JHY: variants seen among roughly 807,000 people sequenced by gnomAD.
JHY encodes the protein jhy protein homolog.
In JHY, 69 loss-of-function variants were observed where a neutral mutation model predicts 78.0. The ratio of observed to expected loss-of-function variants is 0.88; its 90% CI spans 0.73 to 1.08. The LOEUF is 1.08. Among genes scored for constraint, JHY ranks in the 50% least tolerant of loss-of-function variants. The pLI is 0.00. For synonymous variants in JHY, 368 were observed against 342.6 expected, an observed-to-expected ratio of 1.07 and a Z score of -0.82; for missense variants, 944 against 927.8, an observed-to-expected ratio of 1.02 and a Z score of -0.23.
At position 122,961,152 on chromosome 11, in the gene JHY, T is replaced by C. The variant is rs1179598587; in HGVS notation, c.*1707T>C. Reference sequence around the variant, plus strand: ...CTGACTAAATGGAAACTAGGCTATGTGGCAAAATCTTTCTGTATTGCCCTC... The same window carrying C: ...CTGACTAAATGGAAACTAGGCTATGCGGCAAAATCTTTCTGTATTGCCCTC... On this transcript the variant is annotated 3_prime_UTR_variant, in exon 9 of 9. Coordinates refer to ENST00000227349, the MANE Select transcript of JHY (RefSeq NM_024806.4). The C allele has an allele frequency of 1.6e-6, 1 of 639,228 alleles. No homozygotes were observed. The highest frequency in any genetic ancestry group is 1.8e-5 in the African/African-American group (1 of 54,200). The allele number at this position is 639,228 out of a possible 1,614,324, so 39.6% of individuals were successfully genotyped here.
Position 122,934,712 on chromosome 11 carries a change from T to C in JHY, c.1271T>C (p.Val424Ala). 4 of 1,614,168 alleles carry C rather than the reference T, an allele frequency of 2.5e-6. No individual in the cohort carries two copies. Among genetic ancestry groups the C allele is most frequent in the Non-Finnish European group, 3.4e-6 (4 of 1,180,028 alleles). ...IVIMHASNNDVQASRALRSHN... is the reference protein window; with the variant it reads ...IVIMHASNNDAQASRALRSHN... ...ATTATGCATGCCTCTAACAATGATG[T>C]ACAAGCCTCAAGGGCACTTAGAAGC... Residue 424 changes from valine (V) to alanine (A), a missense_variant, in exon 5 of 9, where the codon GTA (valine) becomes GCA (alanine). Physicochemically the swap from Val to Ala is moderately conservative, Grantham distance 64 (BLOSUM62 0). Coordinates refer to ENST00000227349, the MANE Select transcript of JHY (RefSeq NM_024806.4).
chr11:122,931,021 G>T (rs935620200), intron 4 of JHY, among the ~76,000 whole-genome samples: 17 of 152,090 alleles, frequency 1.1e-4, no homozygotes, highest in Admixed American at 8.5e-4. Context: ...CACAATGGAG[G>T]GGGGGAATGA....
chr11:122,904,138 T>C lies in JHY; in HGVS notation c.558T>C (p.Ser186=). 2 of 1,613,968 alleles carry C rather than the reference T, an allele frequency of 1.2e-6. No homozygotes were observed. The highest frequency in any genetic ancestry group is 4.5e-5 in the East Asian group (2 of 44,872). The part of the protein sequence containing the change: ...GKGEQKESPQ[S]AASLLGSEFL... ...GCGAGCAGAAAGAGAGTCCACAGAG[T>C]GCAGCTTCTTTACTTGGTAGTGAAT... is the stretch of plus-strand genomic sequence containing the variant. The change falls in exon 3 of 9, where the codon AGT becomes AGC. Residue 186 remains serine, a synonymous_variant. Coordinates refer to ENST00000227349, the MANE Select transcript of JHY (RefSeq NM_024806.4).
rs1565336607 is a variant in JHY, at chr11:122,948,468, A to ATAATC, written c.1929+1676_1929+1677insTAATC. Among the ~76,000 whole-genome samples, 1,090 of 148,362 alleles carry ATAATC rather than the reference A, an allele frequency of 7.3e-3. 12 individuals are homozygous for ATAATC. The highest frequency in any genetic ancestry group is 0.025 in the African/African-American group (1,006 of 39,996). ...TAATAATAATAATAATAATAATAAT[A>ATAATC]ATAATAATAATGATTTCTACTAGGA... On this transcript the variant is annotated intron_variant, in intron 6 of 8. Transcript: ENST00000227349.
At chr11:122,912,314 G>T (rs1591378398) in intron 3 of JHY, among the ~76,000 whole-genome samples, 1 of 151,698 alleles carries the variant, frequency 6.6e-6, no homozygotes, top group East Asian at 1.9e-4. Flanking sequence ...GGTTAAACTG[G>T]GATGTCTAGC....
At chr11:122,905,117 A>G in intron 3 of JHY, 1 of 1,237,098 alleles carries the variant, frequency 8.1e-7, no homozygotes, top group East Asian at 2.3e-5. Context: ...ATTAAACATT[A>G]GTCTCTTTAT....
At chr11:122,948,513 G>A (rs993248608) in intron 6 of JHY, among the ~76,000 whole-genome samples, 3 of 151,184 alleles carry the variant, frequency 2.0e-5, no homozygotes, top group Non-Finnish European at 2.9e-5. Flanking sequence ...ATGCTGGGAT[G>A]TAAAGATGAG....
rs533216212 is a variant in JHY, at chr11:122,924,918, A to G, written c.886A>G (p.Thr296Ala). Residue 296 changes from threonine (T) to alanine (A), a missense_variant, in exon 4 of 9, where the codon ACA (threonine) becomes GCA (alanine). By Grantham distance (58) the Thr-to-Ala change is moderately conservative. Transcript: ENST00000227349. ...CTAGATCTCCTACCCCGTCAGAGTA[A>G]CAGACAAGACGTCTATTCAGAATGC... ...PEQISYPVRV[T>A]DKTSIQNAKE... 1.9e-6 allele frequency: 3 copies of G among 1,613,942 alleles called. No homozygotes were observed. The highest frequency in any genetic ancestry group is 2.2e-5 in the South Asian group (2 of 91,060).
chr11:122,900,656 C>A (rs971705685), intron 2 of JHY, among the ~76,000 whole-genome samples: 1 of 151,520 alleles, frequency 6.6e-6, no homozygotes, highest in South Asian at 2.1e-4. Flanking sequence ...GTATGCTTAA[C>A]CTTTTATTCA....
chr11:122,918,341 A>G (rs1863277801), intron 3 of JHY, among the ~76,000 whole-genome samples: 1 of 149,994 alleles, frequency 6.7e-6, no homozygotes, highest in Non-Finnish European at 1.5e-5. Flanking sequence ...AAATTAGTGC[A>G]TTGGTGCATG....
At chr11:122,890,732 T>G (rs1271505210) in intron 2 of JHY, among the ~76,000 whole-genome samples, 3 of 152,186 alleles carry the variant, frequency 2.0e-5, no homozygotes, top group Admixed American at 6.6e-5. Context: ...TATGGTTAGA[T>G]CCTTGGTTTT....
At position 122,935,542 on chromosome 11, in the gene JHY, T is replaced by C. The variant is rs777639680; in HGVS notation, c.1634+467T>C. 2.6e-5 allele frequency among the ~76,000 whole-genome samples: 4 copies of C among 152,162 alleles called. No homozygotes were observed. The highest frequency in any genetic ancestry group is 5.9e-5 in the Non-Finnish European group (4 of 68,030). ...GAGCCACCGCACCCGGCCAAGAGTC[T>C]ACTTTTGATGGATTTCTTTTCCTCT... On this transcript the variant is annotated intron_variant, in intron 5 of 8. Coordinates refer to ENST00000227349, the MANE Select transcript of JHY (RefSeq NM_024806.4). This position sits in a 1 kb window ranked among gnomAD's most constrained non-coding sequence, Gnocchi z 4.5.
intron 2 of JHY, among the ~76,000 whole-genome samples, chr11:122,890,002 C>T (rs770745272): frequency 5.9e-5 from 9 of 151,942 alleles, no homozygotes; most frequent in Non-Finnish European, 1.0e-4. Context: ...GTACCTCGGC[C>T]TCCCAAAGTG....
chr11:122,952,657 T>C (rs541391309), intron 6 of JHY, among the ~76,000 whole-genome samples: 3 of 152,268 alleles, frequency 2.0e-5, no homozygotes, highest in Admixed American at 1.3e-4. Context: ...GGCTGGAGAG[T>C]ACTGGGCAAT....
chr11:122,942,446 CAG>C (rs1432681327), intron 5 of JHY, among the ~76,000 whole-genome samples: 1 of 152,078 alleles, frequency 6.6e-6, no homozygotes, highest in Non-Finnish European at 1.5e-5. Context: ...TTTATTGAGA[CAG>C]AGTCTCACTC....
At chr11:122,951,842 G>A (rs538567743) in intron 6 of JHY, among the ~76,000 whole-genome samples, 22 of 152,176 alleles carry the variant, frequency 1.4e-4, no homozygotes, top group Non-Finnish European at 1.9e-4. Context: ...TCCTCAGATG[G>A]TGCCAGAGTC....
At chr11:122,955,163 C>G (rs1864163158) in intron 6 of JHY, among the ~76,000 whole-genome samples, 3 of 152,168 alleles carry the variant, frequency 2.0e-5, no homozygotes, top group Admixed American at 2.0e-4. Context: ...CTCTGTCACT[C>G]AGGCTGGAAT....
intron 4 of JHY, among the ~76,000 whole-genome samples, chr11:122,925,511 T>A (rs1427279924): frequency 6.6e-6 from 1 of 152,206 alleles, no homozygotes; most frequent in Admixed American, 6.5e-5. Context: ...TTTCTGGCCT[T>A]GGGTTTACTA....
In JHY at chr11:122,963,044, G is replaced by T. The variant is rs1864345624; in HGVS notation, c.*3599G>T. Among the ~76,000 whole-genome samples, 1 of 151,882 alleles carries T rather than the reference G, an allele frequency of 6.6e-6. No individual in the cohort carries two copies. The highest frequency in any genetic ancestry group is 2.4e-5 in the African/African-American group (1 of 41,324). On this transcript the variant is annotated 3_prime_UTR_variant, in exon 9 of 9. Coordinates refer to ENST00000227349, the MANE Select transcript of JHY (RefSeq NM_024806.4). ...AATATGCATTACTATGTACCTAATA[G>T]TTTTTTAGCATGTACAATCTGCCAA...
Sources: gnomAD v4.1 joint callset for allele counts (sites outside exome capture counted in the v4.1 genomes callset) on GRCh38, gnomAD v4.1.1 for gene constraint, Gnocchi (gnomAD v3.1) non-coding constraint, MANE v1.5 for transcripts, NCBI Gene and HGNC (gene_info 2026-07-23, HGNC 2026-07-21) for gene names.